AGMO: variants seen among roughly 807,000 people sequenced by gnomAD.
AGMO encodes alkylglycerol monooxygenase, also known as glyceryl-ether monooxygenase.
AGMO carries 75 observed loss-of-function variants against 60.2 expected under a neutral mutation model. The observed-to-expected ratio is 1.25, with a 90% confidence interval of 1.03 to 1.51. The LOEUF is 1.51. AGMO is among the 40% of genes most tolerant of loss of function. The pLI, the probability that AGMO is intolerant of heterozygous loss-of-function variation, is 0.00. For synonymous variants in AGMO, 261 were observed against 177.1 expected (o/e 1.47, Z -3.76); for missense variants, 763 against 525.5 (o/e 1.45, Z -4.42).
chr7:15,155,622 CTG>C, the AGMO span, among the ~76,000 whole-genome samples: 1 of 151,824 alleles, frequency 6.6e-6, no homozygotes, highest in Non-Finnish European at 1.5e-5. Context: ...ATTCTGAATT[CTG>C]TGTTTGTCAT....
the AGMO span, among the ~76,000 whole-genome samples, chr7:15,173,199 G>A: frequency 6.6e-6 from 1 of 152,004 alleles, no homozygotes; most frequent in Non-Finnish European, 1.5e-5. Context: ...ATTTATTGAA[G>A]TAAATCTATT....
intron 3 of AGMO, among the ~76,000 whole-genome samples, chr7:15,522,990 A>G (rs1385783101): frequency 6.6e-6 from 1 of 152,216 alleles, no homozygotes; most frequent in East Asian, 1.9e-4. Flanking sequence ...GAACTTAAAC[A>G]AATTTACAAG....
the AGMO span, among the ~76,000 whole-genome samples, chr7:15,193,243 A>ATTTTC: frequency 2.6e-5 from 2 of 77,706 alleles, no homozygotes; most frequent in Non-Finnish European, 4.5e-5. Context: ...AATGTATGAT[A>ATTTTC]TTTTCTAATT....
At chr7:15,387,609 G>A (rs889385438) in intron 8 of AGMO, 69 bp from the exon 9 acceptor site, 5 of 1,375,078 alleles carry the variant, frequency 3.6e-6, no homozygotes, top group African/African-American at 3.0e-5. Context: ...CAAAAGTTAT[G>A]TATATTATTT....
the AGMO span, among the ~76,000 whole-genome samples, chr7:15,175,646 C>T: frequency 1.3e-5 from 2 of 151,680 alleles, no homozygotes; most frequent in African/African-American, 4.8e-5. Context: ...AAGGAGGTTA[C>T]ATATTTCACA....
chr7:15,484,399 CA>C (rs1782856475), intron 3 of AGMO, among the ~76,000 whole-genome samples: 1 of 152,022 alleles, frequency 6.6e-6, no homozygotes, highest in South Asian at 2.1e-4. Context: ...GTAGTGGTCA[CA>C]TTGAGGAGTT....
At chr7:15,525,711 C>G (rs1414405103) in intron 3 of AGMO, among the ~76,000 whole-genome samples, 1 of 152,102 alleles carries the variant, frequency 6.6e-6, no homozygotes, top group African/African-American at 2.4e-5. Context: ...GTAAGGGTAG[C>G]CGCCCCACTT....
At chr7:15,271,916 G>A (rs1783622525) in intron 12 of AGMO, among the ~76,000 whole-genome samples, 1 of 152,024 alleles carries the variant, frequency 6.6e-6, no homozygotes, top group South Asian at 2.1e-4. Flanking sequence ...TACATTTATT[G>A]AGATGACCAT....
intron 12 of AGMO, among the ~76,000 whole-genome samples, chr7:15,258,598 C>A (rs1583336213): frequency 6.6e-6 from 1 of 152,102 alleles, no homozygotes; most frequent in East Asian, 1.9e-4. Flanking sequence ...ATTCCACTTC[C>A]TGGCTGAAGG....
At chr7:15,169,499 C>T in the AGMO span, among the ~76,000 whole-genome samples, 1 of 151,838 alleles carries the variant, frequency 6.6e-6, no homozygotes, top group African/African-American at 2.4e-5. Context: ...TGCAGTGCTG[C>T]AATCTCGGCT....
chr7:15,365,755 G>A (rs1782951625), intron 11 of AGMO, 136 bp from the exon 12 acceptor site: 2 of 654,602 alleles, frequency 3.1e-6, no homozygotes, highest in Non-Finnish European at 2.5e-6. Flanking sequence ...GTCCCCTGAA[G>A]CAATTTGAAA....
At chr7:15,292,857 A>T (rs1784312291) in intron 12 of AGMO, among the ~76,000 whole-genome samples, 1 of 145,348 alleles carries the variant, frequency 6.9e-6, no homozygotes, top group African/African-American at 2.6e-5. Flanking sequence ...TCCCAGGTTC[A>T]AGTGATTCTC....
intron 12 of AGMO, among the ~76,000 whole-genome samples, chr7:15,204,924 C>A (rs1277600358): frequency 6.6e-6 from 1 of 152,112 alleles, no homozygotes; most frequent in African/African-American, 2.4e-5. Flanking sequence ...AACTCCTGGG[C>A]TCAAGCACTC....
intron 12 of AGMO, among the ~76,000 whole-genome samples, chr7:15,261,779 G>C (rs1783279150): frequency 6.6e-6 from 1 of 151,770 alleles, no homozygotes; most frequent in South Asian, 2.1e-4. Context: ...GGAATCCAAT[G>C]ACATTCCAAA....
chr7:15,202,484 A>AAAAAAAC (rs1276614616), intron 12 of AGMO, among the ~76,000 whole-genome samples: 1 of 128,248 alleles, frequency 7.8e-6, no homozygotes, highest in African/African-American at 2.9e-5. Context: ...AAAAAAAAAA[A>AAAAAAAC]AAAAACCCTC....
chr7:15,530,577 T>TATTTCTATATATATTCTATAC (rs1784282909), intron 3 of AGMO, among the ~76,000 whole-genome samples: 1 of 109,462 alleles, frequency 9.1e-6, no homozygotes, highest in East Asian at 2.6e-4. Context: ...ATATTCTATA[T>TATTTCTATATATATTCTATAC]ACGTATTTCT....
intron 12 of AGMO, among the ~76,000 whole-genome samples, chr7:15,295,278 G>T (rs1171800065): frequency 1.3e-5 from 2 of 151,886 alleles, no homozygotes; most frequent in African/African-American, 4.8e-5. Context: ...CCTACAAAGA[G>T]AAATGTATCT....
intron 12 of AGMO, among the ~76,000 whole-genome samples, chr7:15,356,400 CATTTTTGCAGAA>C (rs1485734499): frequency 6.6e-6 from 1 of 152,034 alleles, no homozygotes; most frequent in Non-Finnish European, 1.5e-5. Context: ...TAAAAATAAA[CATTTTTGCAGAA>C]ATTTTATATA....
At chr7:15,547,785 C>G (rs537789501) in intron 2 of AGMO, among the ~76,000 whole-genome samples, 3 of 151,836 alleles carry the variant, frequency 2.0e-5, no homozygotes, top group East Asian at 1.9e-4. Context: ...ACAAAGCAGC[C>G]GGGAAGCTCC....
Sources: gnomAD v4.1 joint callset for allele counts (sites outside exome capture counted in the v4.1 genomes callset) on GRCh38, gnomAD v4.1.1 for gene constraint, MANE v1.5 for transcripts, NCBI Gene and HGNC (gene_info 2026-07-23, HGNC 2026-07-21) for gene names.